Variants in CHD8 observed in about 807,000 individuals in gnomAD.
CHD8 encodes chromodomain helicase DNA binding protein 8, also known as ATP-dependent chromatin remodeler CHD8.
CHD8 carries 31 observed loss-of-function variants against 279.2 expected under a neutral mutation model. The ratio of observed to expected loss-of-function variants is 0.11; its 90% CI spans 0.08 to 0.15. CHD8 has a LOEUF of 0.15. CHD8 is among the 10% of genes least tolerant of loss of function. The pLI is 1.00. For synonymous variants in CHD8, 1,081 were observed against 1,139.6 expected (o/e 0.95, Z 1.04); for missense variants, 2,146 against 3,230.5 (o/e 0.66, Z 8.14).
chr14:21,432,554 C>T lies in CHD8; in HGVS notation c.-215-696G>A, dbSNP rs566263865. Among the ~76,000 whole-genome samples the T allele has an allele frequency of 2.0e-3, 302 of 152,346 alleles. 1 individual carries two copies. Among genetic ancestry groups the T allele is most frequent in the Non-Finnish European group, 3.5e-3 (241 of 68,040 alleles). ...TATATTCCCAACTTCCTCTTACCAT[C>T]TCTTACATATATTTTACATTCCAGT... On this transcript the variant is annotated intron_variant, in intron 1 of 37. Transcript: ENST00000646647.
chr14:21,441,665 T>G lies in CHD8; in HGVS notation c.-215-9807A>C, dbSNP rs537190687. Among the ~76,000 whole-genome samples, 1,085 of 151,922 alleles carry G rather than the reference T, an allele frequency of 7.1e-3. 5 individuals are homozygous for G. The highest frequency in any genetic ancestry group is 9.6e-3 in the Non-Finnish European group (653 of 67,946). ...GCACTTTGGGAGGCCAAGGCGGGCA[T>G]ATCACGAGGTCAGGAGATGGAGACC... On this transcript the variant is annotated intron_variant, in intron 1 of 37. Coordinates refer to ENST00000646647, the MANE Select transcript of CHD8 (RefSeq NM_001170629.2).
chr14:21,386,859 G>A (rs192363730), intron 37 of CHD8, among the ~76,000 whole-genome samples: 3 of 151,416 alleles, frequency 2.0e-5, no homozygotes, highest in Admixed American at 6.6e-5. Context: ...AAAATCACTC[G>A]TGTCTCCTGA....
chr14:21,424,232 G>A (rs1452111965), intron 5 of CHD8, among the ~76,000 whole-genome samples: 1 of 152,022 alleles, frequency 6.6e-6, no homozygotes, highest in Non-Finnish European at 1.5e-5. Flanking sequence ...TTCCTAAATG[G>A]TTAGCCAGCT....
chr14:21,414,418 G>A lies in CHD8; in HGVS notation c.2025C>T (p.Tyr675=), dbSNP rs1213892347. Residue 675 remains tyrosine, a splice_region_variant and synonymous_variant, in exon 9 of 38, where the codon TAC becomes TAT. Coordinates refer to ENST00000646647, the MANE Select transcript of CHD8 (RefSeq NM_001170629.2). ...TAGCCCATTCACAATGCAGATAGGA[G>A]CTAAGGGGGATGGAAAAATCCAGTC... ...AEEFFVKYKN[Y]SYLHCEWATI... The A allele has an allele frequency of 6.8e-7, 1 of 1,461,212 alleles. No individual in the cohort carries two copies. Among genetic ancestry groups the A allele is most frequent in the Admixed American group, 2.0e-5 (1 of 50,958 alleles). 90.5% of individuals were successfully genotyped at this position (1,461,212 alleles called of 1,614,324 possible).
At chr14:21,448,873 C>G (rs959230230) in intron 1 of CHD8, among the ~76,000 whole-genome samples, 17 of 146,654 alleles carry the variant, frequency 1.2e-4, no homozygotes, top group Non-Finnish European at 2.1e-4. Context: ...CAGCACTGAA[C>G]TTTTAAAAGG....
chr14:21,400,428 A>G lies in CHD8; in HGVS notation c.4555T>C (p.Leu1519=), dbSNP rs866662527. The G allele has an allele frequency of 1.2e-6, 2 of 1,601,080 alleles. No individual in the cohort carries two copies. The highest frequency in any genetic ancestry group is 1.8e-5 in the Admixed American group (1 of 55,966). ...SPAENGKTKE[L]QNHSGLSIPV... is the part of the protein sequence containing the mutation. ...TGATAATTACCTGAATGATTCTGCA[A>G]TTCTTTTGTCTTGCCATTTTCAGCT... Residue 1519 remains leucine (L), a synonymous_variant, in exon 23 of 38, where the codon TTG becomes CTG. Transcript: ENST00000646647. This position sits in a 1 kb window ranked among gnomAD's most constrained non-coding sequence, Gnocchi z 4.2.
At chr14:21,450,001 AG>A in intron 1 of CHD8, among the ~76,000 whole-genome samples, 1 of 152,368 alleles carries the variant, frequency 6.6e-6, no homozygotes, top group South Asian at 2.1e-4. Flanking sequence ...CCCCAGACCC[AG>A]GAAGGGGAGG....
rs1361104044 is a variant in CHD8, at chr14:21,393,837, G to A, written c.5958C>T (p.His1986=). ...AGGCAGTGCGTGAGGTATACTGCTG[G>A]TGCAGCAGTGGAGTAGAGCAGCGTG... The part of the protein sequence containing the change: ...SLSRCSTPLL[H]QQYTSRTASP... The change falls in exon 32 of 38, where the codon CAC becomes CAT. Residue 1986 remains histidine, a synonymous_variant. Coordinates refer to ENST00000646647, the MANE Select transcript of CHD8 (RefSeq NM_001170629.2). The A allele has an allele frequency of 3.7e-6, 6 of 1,613,976 alleles. No homozygotes were observed. Among genetic ancestry groups the A allele is most frequent in the Admixed American group, 1.7e-5 (1 of 60,024 alleles).
chr14:21,403,906 C>T lies in CHD8; in HGVS notation c.3308-243G>A, dbSNP rs534320466. On this transcript the variant is annotated intron_variant, in intron 16 of 37. Coordinates refer to ENST00000646647, the MANE Select transcript of CHD8 (RefSeq NM_001170629.2). This position sits in a 1 kb window ranked among gnomAD's most constrained non-coding sequence, Gnocchi z 4.3. ...TTGAGGTCAGGAGTTCGAGACCAGT[C>T]TGGCCAACATGGTGAAACCCCGTCT... Among the ~76,000 whole-genome samples, 329 of 152,262 alleles carry T rather than the reference C, an allele frequency of 2.2e-3. 1 individual carries two copies. Among genetic ancestry groups the T allele is most frequent in the African/African-American group, 7.5e-3 (312 of 41,552 alleles).
intron 1 of CHD8, among the ~76,000 whole-genome samples, chr14:21,436,221 T>C (rs1889775138): frequency 6.6e-6 from 1 of 152,238 alleles, no homozygotes; most frequent in South Asian, 2.1e-4. Flanking sequence ...ATCTTGTTGT[T>C]GGAAACTGTA....
chr14:21,453,937 C>T (rs1890316038), intron 1 of CHD8, among the ~76,000 whole-genome samples: 3 of 151,344 alleles, frequency 2.0e-5, no homozygotes. Flanking sequence ...GGGAGGATCA[C>T]GAGGTCAGAA....
chr14:21,431,284 C>T lies in CHD8; in HGVS notation c.360G>A (p.Leu120=), dbSNP rs1889552219. The T allele has an allele frequency of 3.8e-6, 6 of 1,579,858 alleles. No individual in the cohort carries two copies. Among genetic ancestry groups the T allele is most frequent in the Non-Finnish European group, 5.1e-6 (6 of 1,170,260 alleles). ...GGATCTCCTGGCTCTTGGAGACTTGCAAAAGTCCTGATGTTGGCGTCGATG... is the reference window on the plus strand; with the variant it reads ...GGATCTCCTGGCTCTTGGAGACTTGTAAAAGTCCTGATGTTGGCGTCGATG... ...LQTSTPTSGL[L]QVSKSQEILS... The change falls in exon 2 of 38, where the codon TTG becomes TTA. Residue 120 remains leucine (L), a synonymous_variant. Transcript: ENST00000646647.
At position 21,394,032 on chromosome 14, in the gene CHD8, G is replaced by C. The variant is rs771452896; in HGVS notation, c.5763C>G (p.Pro1921=). 6.2e-7 allele frequency: 1 copy of C among 1,613,884 alleles called. No individual in the cohort carries two copies. Among genetic ancestry groups the C allele is most frequent in the South Asian group, 1.1e-5 (1 of 91,074 alleles). ...ALCQPPGPEL[P]KWWEPVRHDG... ...CATGCCGAACAGGCTCCCACCATTT[G>C]GGCAATTCAGGACCAGGAGGCTGAC... is the stretch of plus-strand genomic sequence containing the variant. Residue 1921 remains proline (P), a synonymous_variant, in exon 32 of 38, where the codon CCC becomes CCG. Transcript: ENST00000646647.
At chr14:21,422,451 T>C (rs899768728) in intron 5 of CHD8, among the ~76,000 whole-genome samples, 5 of 152,244 alleles carry the variant, frequency 3.3e-5, no homozygotes, top group African/African-American at 1.2e-4. Context: ...GTAATCTCTG[T>C]GTATTTTGTA....
chr14:21,426,323 C>T (rs1818309237), intron 4 of CHD8, 81 bp from the exon 5 acceptor site: 1 of 706,294 alleles, frequency 1.4e-6, no homozygotes, highest in Non-Finnish European at 2.4e-6. Flanking sequence ...TCTAAACCAT[C>T]ACATACAAAA....
intron 1 of CHD8, among the ~76,000 whole-genome samples, chr14:21,451,512 T>C (rs762675636): frequency 3.7e-5 from 5 of 135,716 alleles, no homozygotes; most frequent in Non-Finnish European, 7.6e-5. Flanking sequence ...GCGGAGGTTG[T>C]GCTGAGCCGA....
At chr14:21,397,728 A>G in intron 27 of CHD8, 95 bp downstream of exon 27, 1 of 1,298,304 alleles carries the variant, frequency 7.7e-7, no homozygotes, top group Non-Finnish European at 1.1e-6. Context: ...ACTTTTGAGT[A>G]TAATTACAAT....
chr14:21,441,711 AC>A (rs1889972715), intron 1 of CHD8, among the ~76,000 whole-genome samples: 1 of 152,004 alleles, frequency 6.6e-6, no homozygotes, highest in African/African-American at 2.4e-5. Context: ...ACACGGTGAA[AC>A]CCCGTCTCTA....
intron 28 of CHD8, 120 bp downstream of exon 28, chr14:21,395,697 T>A: frequency 1.4e-6 from 1 of 707,862 alleles, no homozygotes; most frequent in Non-Finnish European, 2.5e-6. Flanking sequence ...TCAAATGGTA[T>A]AATTCATTTT....
Sources: gnomAD v4.1 joint callset for allele counts (sites outside exome capture counted in the v4.1 genomes callset) on GRCh38, gnomAD v4.1.1 for gene constraint, Gnocchi (gnomAD v3.1) non-coding constraint, MANE v1.5 for transcripts, NCBI Gene and HGNC (gene_info 2026-07-23, HGNC 2026-07-21) for gene names.